The following RNF19A variants were observed in gnomAD, a reference collection of about 807,000 sequenced individuals.
RNF19A encodes ring finger protein 19A, RBR E3 ubiquitin protein ligase.
In RNF19A, 32 loss-of-function variants were observed where a neutral mutation model predicts 75.7. The ratio of observed to expected loss-of-function variants is 0.42; its 90% CI spans 0.32 to 0.57. The LOEUF is 0.57. RNF19A is among the 20% of genes least tolerant of loss of function. The probability of loss-of-function intolerance (pLI) is 0.10; values close to 1 mark genes in which losing one functional copy is unlikely to be tolerated. For missense variants in RNF19A, 782 were observed against 1,036.3 expected (o/e 0.75, Z 3.37); for synonymous variants, 335 against 345.2 (o/e 0.97, Z 0.33).
At chr8:100,309,241 T>G in intron 1 of RNF19A, 5 of 806,598 alleles carry the variant, frequency 6.2e-6, no homozygotes, top group African/African-American at 1.9e-5. Context: ...GCTACACCAT[T>G]TTGGTGTGAT....
chr8:100,274,902 A>G (rs1820428690), intron 3 of RNF19A, 51 bp downstream of exon 3: 1 of 1,425,136 alleles, frequency 7.0e-7, no homozygotes. Flanking sequence ...AAGTTAAAAT[A>G]ACTAGTGTTT....
intron 1 of RNF19A, among the ~76,000 whole-genome samples, chr8:100,302,320 T>C (rs1261076517): frequency 6.6e-6 from 1 of 152,220 alleles, no homozygotes; most frequent in African/African-American, 2.4e-5. Flanking sequence ...GTTGAGGACA[T>C]GTTTTGAAGG....
At chr8:100,289,610 T>C (rs1453431927) in intron 1 of RNF19A, among the ~76,000 whole-genome samples, 1 of 152,094 alleles carries the variant, frequency 6.6e-6, no homozygotes, top group South Asian at 2.1e-4. Context: ...ACACACCTAA[T>C]AGGATGGCTA....
Position 100,258,919 on chromosome 8 carries a change from A to G in RNF19A, c.2154T>C (p.Pro718=). 2 of 1,614,232 alleles carry G rather than the reference A, an allele frequency of 1.2e-6. No homozygotes were observed. Among genetic ancestry groups the G allele is most frequent in the Admixed American group, 1.7e-5 (1 of 60,036 alleles). The change falls in exon 10 of 10, where the codon CCT becomes CCC. Residue 718 remains proline (P), a synonymous_variant. Coordinates refer to ENST00000341084, the MANE Select transcript of RNF19A (RefSeq NM_183419.4). The surrounding 1 kb of genome is among the most constrained non-coding windows in gnomAD (Gnocchi z 4.3). The part of the protein sequence containing the change: ...FEAPSLSDSM[P]SVADSHSSHF... ...GACTAGAGTGAGAATCTGCTACAGAAGGCATACTGTCACTGAGGGATGGAG... is the reference window on the plus strand; with the variant it reads ...GACTAGAGTGAGAATCTGCTACAGAGGGCATACTGTCACTGAGGGATGGAG...
intron 1 of RNF19A, among the ~76,000 whole-genome samples, chr8:100,289,097 G>T (rs901322990): frequency 2.0e-5 from 3 of 149,792 alleles, no homozygotes; most frequent in African/African-American, 4.9e-5. Context: ...ATGTATATGA[G>T]ACTTGATTTC....
intron 1 of RNF19A, among the ~76,000 whole-genome samples, chr8:100,289,078 G>C (rs1433151772): frequency 7.9e-6 from 1 of 126,192 alleles, no homozygotes; most frequent in Non-Finnish European, 1.7e-5. Context: ...AAAAAAAAAA[G>C]TCATATATAT....
At chr8:100,334,859 C>G (rs1407517653) in intron 1 of RNF19A, among the ~76,000 whole-genome samples, 1 of 152,166 alleles carries the variant, frequency 6.6e-6, no homozygotes, top group African/African-American at 2.4e-5. Context: ...AAGGTGTTTA[C>G]CTTCAAATTG....
chr8:100,283,648 G>A (rs1820884597), intron 2 of RNF19A, among the ~76,000 whole-genome samples: 1 of 152,194 alleles, frequency 6.6e-6, no homozygotes, highest in South Asian at 2.1e-4. Context: ...TTTCTACTCT[G>A]TGGTAAGGAC....
Position 100,273,745 on chromosome 8 carries a change from T to C in RNF19A, c.883+1208A>G, listed in dbSNP as rs1820368373. ...TGAGCCAGGAACTATTTCAACTATA[T>C]GGACATAAGCATTATTAGTATCTTT... On this transcript the variant is annotated intron_variant, in intron 3 of 9. Coordinates refer to ENST00000341084, the MANE Select transcript of RNF19A (RefSeq NM_183419.4). 3.9e-5 allele frequency among the ~76,000 whole-genome samples: 6 copies of C among 152,306 alleles called. No homozygotes were observed. In the South Asian group the frequency reaches 1.2e-3, roughly 32 times the overall value.
intron 5 of RNF19A, among the ~76,000 whole-genome samples, chr8:100,268,056 A>T (rs1347729469): frequency 6.6e-6 from 1 of 151,746 alleles, no homozygotes; most frequent in Non-Finnish European, 1.5e-5. Context: ...TTTATTTTTT[A>T]AAAAAAGTTT....
At chr8:100,320,085 C>T (rs1822444131) in intron 1 of RNF19A, among the ~76,000 whole-genome samples, 1 of 152,170 alleles carries the variant, frequency 6.6e-6, no homozygotes, top group Admixed American at 6.5e-5. Flanking sequence ...ACCCAACTGC[C>T]TCAGCCTCCC....
At chr8:100,272,933 A>G (rs954221457) in intron 3 of RNF19A, among the ~76,000 whole-genome samples, 5 of 151,968 alleles carry the variant, frequency 3.3e-5, no homozygotes, top group Middle Eastern at 3.4e-3. Flanking sequence ...TGGCACAATC[A>G]TATTTCATTG....
chr8:100,300,179 C>A lies in RNF19A; in HGVS notation c.-94+9688G>T, dbSNP rs563256320. On this transcript the variant is annotated intron_variant, in intron 1 of 9. Coordinates refer to ENST00000341084, the MANE Select transcript of RNF19A (RefSeq NM_183419.4). ...TAGTATTCAAATTAGCTTCTCTTTA[C>A]ACAAGTCTCCCGAAAATGAGATTAA... Among the ~76,000 whole-genome samples, 5 of 152,250 alleles carry A rather than the reference C, an allele frequency of 3.3e-5. No individual in the cohort carries two copies. The South Asian group carries it at 1.0e-3, about 32-fold the overall frequency.
At chr8:100,262,513 A>G (rs1174950467) in intron 7 of RNF19A, among the ~76,000 whole-genome samples, 1 of 152,186 alleles carries the variant, frequency 6.6e-6, no homozygotes, top group Non-Finnish European at 1.5e-5. Context: ...AAATCAAGCA[A>G]GAGTGGTATA....
chr8:100,270,541 A>C (rs889718891), intron 3 of RNF19A, among the ~76,000 whole-genome samples: 1 of 152,130 alleles, frequency 6.6e-6, no homozygotes, highest in African/African-American at 2.4e-5. Flanking sequence ...TATAAGCACT[A>C]TAAAAATAGC....
intron 1 of RNF19A, among the ~76,000 whole-genome samples, chr8:100,304,220 C>T (rs1821970138): frequency 1.3e-5 from 2 of 152,064 alleles, no homozygotes; most frequent in African/African-American, 4.8e-5. Context: ...CCTTGGCCTC[C>T]CAAAGTGCTG....
At chr8:100,327,269 T>TC (rs1822547434) in intron 1 of RNF19A, among the ~76,000 whole-genome samples, 1 of 146,404 alleles carries the variant, frequency 6.8e-6, no homozygotes, top group Non-Finnish European at 1.5e-5. Context: ...TTTTTTTTTT[T>TC]GAGACAGAGT....
At chr8:100,265,426 C>T (rs932625247) in intron 5 of RNF19A, among the ~76,000 whole-genome samples, 1 of 152,064 alleles carries the variant, frequency 6.6e-6, no homozygotes. Context: ...ATTCACTCAG[C>T]AATCTCTGTA....
At chr8:100,282,352 T>C (rs773691924) in intron 2 of RNF19A, among the ~76,000 whole-genome samples, 9 of 152,184 alleles carry the variant, frequency 5.9e-5, no homozygotes, top group South Asian at 4.1e-4. Context: ...GCTTAAAGTT[T>C]ATTACACTGT....
Sources: gnomAD v4.1 joint callset for allele counts (sites outside exome capture counted in the v4.1 genomes callset) on GRCh38, gnomAD v4.1.1 for gene constraint, Gnocchi (gnomAD v3.1) non-coding constraint, MANE v1.5 for transcripts, NCBI Gene and HGNC (gene_info 2026-07-23, HGNC 2026-07-21) for gene names.